DSC2: variants seen among roughly 807,000 people sequenced by gnomAD.
The protein encoded by DSC2 is desmocollin 2.
DSC2 carries 51 observed loss-of-function variants against 87.6 expected under a neutral mutation model. The ratio of observed to expected loss-of-function variants is 0.58; its 90% confidence interval spans 0.46 to 0.74. The LOEUF (loss-of-function observed/expected upper bound fraction) is 0.74. Among genes scored for constraint, DSC2 ranks in the 30% least tolerant of loss-of-function variants. The probability of loss-of-function intolerance (pLI) is 0.00; values close to 1 mark genes in which losing one functional copy is unlikely to be tolerated. For synonymous variants in DSC2, 383 were observed against 393.2 expected (o/e 0.97, Z 0.31); for missense variants, 1,066 against 1,089.5 (o/e 0.98, Z 0.30).
At chr18:31,085,603 A>G (rs1474299461) in intron 7 of DSC2, among the ~76,000 whole-genome samples, 1 of 152,084 alleles carries the variant, frequency 6.6e-6, no homozygotes, top group South Asian at 2.1e-4. Flanking sequence ...AGTATTCAAC[A>G]ATATTTAACA....
Position 31,089,558 on chromosome 18 carries a change from A to C in DSC2, c.511T>G (p.Tyr171Asp). 6.2e-7 allele frequency: 1 copy of C among 1,614,018 alleles called. No homozygotes were observed. The highest frequency in any genetic ancestry group is 2.2e-5 in the East Asian group (1 of 44,852). ...TCAACTCCAGGACCTCTTATGGAATAGTATATGGTATAGTTTTGGGCCGTG... is the reference window on the plus strand; with the variant it reads ...TCAACTCCAGGACCTCTTATGGAATCGTATATGGTATAGTTTTGGGCCGTG... ...SDTAQNYTIY[Y>D]SIRGPGVDQE... Residue 171 changes from tyrosine to aspartate, a missense_variant, in exon 5 of 16, where the codon TAT becomes GAT. Physicochemically the swap from Tyr to Asp is radical, Grantham distance 160. Transcript: ENST00000280904.
At position 31,087,658 on chromosome 18, in the gene DSC2, G is replaced by T. The variant is rs764930972; in HGVS notation, c.775+11C>A. Reference sequence around the variant, plus strand: ...GTTAATTTGCCATATATTGTTTAAGGAGGTACTCACCCACTCTGCAATTTT... The same window carrying T: ...GTTAATTTGCCATATATTGTTTAAGTAGGTACTCACCCACTCTGCAATTTT... On this transcript the variant is annotated intron_variant, in intron 6 of 15. Coordinates refer to ENST00000280904, the MANE Select transcript of DSC2 (RefSeq NM_024422.6). 2 of 1,609,918 alleles carry T rather than the reference G, an allele frequency of 1.2e-6. No homozygotes were observed. The highest frequency in any genetic ancestry group is 2.7e-5 in the African/African-American group (2 of 74,948).
intron 4 of DSC2, among the ~76,000 whole-genome samples, chr18:31,089,965 A>G (rs949893405): frequency 3.3e-5 from 5 of 152,206 alleles, no homozygotes; most frequent in South Asian, 2.1e-4. Context: ...TATATGTAAC[A>G]TAACATTTAA....
At chr18:31,087,620 G>A in intron 6 of DSC2, 49 bp downstream of exon 6, 2 of 1,579,000 alleles carry the variant, frequency 1.3e-6, no homozygotes, top group Non-Finnish European at 1.7e-6. Context: ...CTAAATGTAT[G>A]AATTGAAACA....
chr18:31,089,275 C>A (rs1276546431), intron 5 of DSC2, among the ~76,000 whole-genome samples, 164 bp downstream of exon 5: 2 of 151,056 alleles, frequency 1.3e-5, no homozygotes, highest in Non-Finnish European at 2.9e-5. Context: ...ATTATTTATT[C>A]TATGAAAATA....
In DSC2 at chr18:31,068,120, C is replaced by T. The variant is rs750234905; in HGVS notation, c.2601G>A (p.Gly867=). Reference sequence around the variant, plus strand: ...GTCGTTCACTGCAACAACCTACAGACCCAGCCACCGATCCTCTTCCTTCAT... The same window carrying T: ...GTCGTTCACTGCAACAACCTACAGATCCAGCCACCGATCCTCTTCCTTCAT... The part of the protein sequence containing the change: ...YNYEGRGSVA[G]SVGCCSERQE... Residue 867 remains glycine, a synonymous_variant, in exon 16 of 16, where the codon GGG becomes GGA. Coordinates refer to ENST00000280904, the MANE Select transcript of DSC2 (RefSeq NM_024422.6). 6.2e-7 allele frequency: 1 copy of T among 1,614,064 alleles called. No individual in the cohort carries two copies. Among genetic ancestry groups the T allele is most frequent in the South Asian group, 1.1e-5 (1 of 91,076 alleles).
At chr18:31,101,154 C>A (rs1324315087) in intron 1 of DSC2, 1 of 981,742 alleles carries the variant, frequency 1.0e-6, no homozygotes, top group Non-Finnish European at 1.2e-6. Flanking sequence ...ACCCTTCCTT[C>A]CTCCGAAGAT....
In DSC2 at chr18:31,065,072, G is replaced by C. The variant is rs1046283207; in HGVS notation, c.*2943C>G. 1 of 152,176 alleles carries C rather than the reference G, an allele frequency of 6.6e-6. No individual in the cohort carries two copies. Among genetic ancestry groups the C allele is most frequent in the Non-Finnish European group, 1.5e-5 (1 of 68,036 alleles). 9.4% of individuals were successfully genotyped at this position (152,176 alleles called of 1,614,324 possible). On this transcript the variant is annotated 3_prime_UTR_variant, in exon 16 of 16. Transcript: ENST00000280904. ...AAACTCTTTATGATTTTGCCTCCTC[G>C]AGAATTTTACCTGCCTTTTCAGTTA...
In DSC2 at chr18:31,070,673, G is replaced by T. The variant is rs771736377; in HGVS notation, c.2250+53C>A. ...GAAAAGATCATTTTAGAAGGAATAC[G>T]CATTATAAGCGAATTCATCCTTTGT... On this transcript the variant is annotated intron_variant, in intron 14 of 15. Transcript: ENST00000280904. The T allele has an allele frequency of 1.9e-6, 3 of 1,609,120 alleles. No homozygotes were observed. In the African/African-American group the frequency reaches 4.0e-5, roughly 22 times the overall value.
intron 6 of DSC2, 98 bp downstream of exon 6, chr18:31,087,571 G>A: frequency 7.3e-7 from 1 of 1,361,232 alleles, no homozygotes; most frequent in Non-Finnish European, 1.0e-6. Context: ...CCTTATTCTT[G>A]CTGCTGGGAT....
intron 1 of DSC2, among the ~76,000 whole-genome samples, chr18:31,095,254 C>G (rs1328217137): frequency 6.6e-6 from 1 of 152,088 alleles, no homozygotes; most frequent in Admixed American, 6.5e-5. Flanking sequence ...ATTGCAGAAA[C>G]AAGGTGGTCA....
At chr18:31,075,224 A>C (rs1394449976) in intron 11 of DSC2, among the ~76,000 whole-genome samples, 2 of 152,182 alleles carry the variant, frequency 1.3e-5, no homozygotes, top group African/African-American at 4.8e-5. Flanking sequence ...TTAAAAGCAC[A>C]AGGAAATTCA....
In DSC2 at chr18:31,071,813, ATTCT is replaced by A. The variant is rs1452512048; in HGVS notation, c.1913_1916del (p.Gln638LeufsTer9). On this transcript the variant is annotated frameshift_variant, in exon 13 of 16. Transcript: ENST00000280904. LOFTEE classifies it high-confidence loss of function. ...CTACATATGAGCCAAATGGAGGATCATTCTGATAGGAAAGACGTGCTGCTGTATC... is the reference window on the plus strand; with the variant it reads ...CTACATATGAGCCAAATGGAGGATCAGATAGGAAAGACGTGCTGCTGTATC... 6.2e-7 allele frequency: 1 copy of A among 1,613,956 alleles called. No homozygotes were observed. The highest frequency in any genetic ancestry group is 8.5e-7 in the Non-Finnish European group (1 of 1,179,892).
At position 31,080,109 on chromosome 18, in the gene DSC2, T is replaced by C; in HGVS notation, c.1507A>G (p.Ser503Gly). The change falls in exon 10 of 16, where the codon AGC becomes GGC. Residue 503 changes from serine to glycine, a missense_variant. Ser to Gly is a moderately conservative substitution (Grantham distance 56). Transcript: ENST00000280904. The stretch of plus-strand genomic sequence containing the variant: ...AATGGTAAGTACCTTATGCCACTGC[T>C]ACTTCTTGTTTCTGGGTCATATGCT... ...YKAYDPETRS[S>G]SGIRYKKLTD... 1 of 1,614,078 alleles carries C rather than the reference T, an allele frequency of 6.2e-7. No individual in the cohort carries two copies. The highest frequency in any genetic ancestry group is 8.5e-7 in the Non-Finnish European group (1 of 1,180,024).
At position 31,087,718 on chromosome 18, in the gene DSC2, A is replaced by T; in HGVS notation, c.726T>A (p.Ile242=). The T allele has an allele frequency of 6.2e-7, 1 of 1,613,782 alleles. No individual in the cohort carries two copies. ...KIEDENDNYP[I]FTEETYTFTI... ...TAAAAGTATAAGTTTCTTCTGTAAAAATTGGGTAGTTATCATTTTCATCCT... is the reference window on the plus strand; with the variant it reads ...TAAAAGTATAAGTTTCTTCTGTAAATATTGGGTAGTTATCATTTTCATCCT... Residue 242 remains isoleucine, a synonymous_variant, in exon 6 of 16, where the codon ATT becomes ATA. Transcript: ENST00000280904.
chr18:31,087,116 C>T (rs1987425620), intron 6 of DSC2, among the ~76,000 whole-genome samples: 2 of 152,154 alleles, frequency 1.3e-5, no homozygotes, highest in South Asian at 4.1e-4. Flanking sequence ...GCATGGTTCA[C>T]TTAGACATTT....
chr18:31,084,509 C>T (rs750547152), intron 7 of DSC2, among the ~76,000 whole-genome samples: 2 of 152,060 alleles, frequency 1.3e-5, no homozygotes, highest in Admixed American at 6.6e-5. Flanking sequence ...TGAAGAAAAC[C>T]GGAATCCTGA....
chr18:31,074,345 C>T (rs1986931175), intron 12 of DSC2, among the ~76,000 whole-genome samples: 1 of 151,250 alleles, frequency 6.6e-6, no homozygotes, highest in Non-Finnish European at 1.5e-5. Context: ...GAAATCTATG[C>T]CAGTGAGAGG....
chr18:31,070,627 A>T, intron 14 of DSC2, 99 bp downstream of exon 14: 1 of 1,544,386 alleles, frequency 6.5e-7, no homozygotes, highest in Non-Finnish European at 8.9e-7. Context: ...AAATTGCCTG[A>T]TACCAAAAGA....
Sources: gnomAD v4.1 joint callset for allele counts (sites outside exome capture counted in the v4.1 genomes callset) on GRCh38, gnomAD v4.1.1 for gene constraint, MANE v1.5 for transcripts, NCBI Gene and HGNC (gene_info 2026-07-23, HGNC 2026-07-21) for gene names.